ILDR2: variants seen among roughly 807,000 people sequenced by gnomAD.
The protein encoded by ILDR2 is immunoglobulin like domain containing receptor 2.
A neutral mutation model predicts 66.8 loss-of-function variants in ILDR2; 25 were observed. That is an observed-to-expected ratio of 0.37 (90% confidence interval 0.27 to 0.52). The LOEUF is 0.52. Ranked by LOEUF, ILDR2 falls within the 20% of genes least tolerant of loss-of-function variation. The pLI is 0.88. For missense variants in ILDR2, 827 were observed against 876.8 expected (o/e 0.94, Z 0.72); for synonymous variants, 367 against 357.2 (o/e 1.03, Z -0.31).
intron 3 of ILDR2, among the ~76,000 whole-genome samples, chr1:166,952,196 T>C (rs558667222): frequency 7.0e-4 from 106 of 152,300 alleles, no homozygotes; most frequent in African/African-American, 2.5e-3. Flanking sequence ...ACTTTATTCC[T>C]GTCCAAACAG....
chr1:166,920,678 CGGA>C (rs1042053058), intron 9 of ILDR2, 26 bp downstream of exon 9: 1 of 1,359,072 alleles, frequency 7.4e-7, no homozygotes, highest in African/African-American at 1.5e-5. Context: ...TCAGTCCCCT[CGGA>C]GGAGGGGAGG....
chr1:166,931,836 A>G (rs112018803), intron 6 of ILDR2, among the ~76,000 whole-genome samples: 1 of 152,330 alleles, frequency 6.6e-6, no homozygotes, highest in Non-Finnish European at 1.5e-5. Flanking sequence ...CACTGAGATA[A>G]GATATGTAGA....
chr1:166,934,905 T>C (rs1461018695), intron 6 of ILDR2, among the ~76,000 whole-genome samples: 1 of 152,210 alleles, frequency 6.6e-6, no homozygotes, highest in Non-Finnish European at 1.5e-5. Context: ...CTAATAAAGG[T>C]CCGTTCTCTC....
intron 6 of ILDR2, among the ~76,000 whole-genome samples, chr1:166,934,994 G>A (rs1027904246): frequency 6.6e-6 from 1 of 152,160 alleles, no homozygotes; most frequent in Non-Finnish European, 1.5e-5. Flanking sequence ...GTGGACTCCT[G>A]TAGGTAGGGA....
Position 166,936,571 on chromosome 1 carries a change from C to G in ILDR2, c.703+20G>C, listed in dbSNP as rs1283736115. The G allele has an allele frequency of 1.2e-6, 2 of 1,614,056 alleles. No individual in the cohort carries two copies. Among genetic ancestry groups the G allele is most frequent in the Non-Finnish European group, 1.7e-6 (2 of 1,180,004 alleles). On this transcript the variant is annotated intron_variant, in intron 5 of 9. Coordinates refer to ENST00000271417, the MANE Select transcript of ILDR2 (RefSeq NM_199351.3). This position sits in a 1 kb window ranked among gnomAD's most constrained non-coding sequence, Gnocchi z 5.0. ...CATTTCTCTCGATCGCTCTGTCTCC[C>G]CAGCGGTCACTGTACTCACAGGCTT...
rs189313987 is a variant in ILDR2, at chr1:166,972,335, G to A, written c.46+2888C>T. On this transcript the variant is annotated intron_variant, in intron 1 of 9. Transcript: ENST00000271417. The stretch of plus-strand genomic sequence containing the variant: ...TCCAGGAGTGTGTTCCCAGAGTGTC[G>A]ACACAGCTCCAGCGTTTCTCACAGC... Among the ~76,000 whole-genome samples, 123 of 152,262 alleles carry A rather than the reference G, an allele frequency of 8.1e-4. 1 individual carries two copies. In the South Asian group the frequency reaches 0.017, roughly 21 times the overall value.
At chr1:166,973,544 C>T (rs1468853909) in intron 1 of ILDR2, among the ~76,000 whole-genome samples, 1 of 148,868 alleles carries the variant, frequency 6.7e-6, no homozygotes, top group Non-Finnish European at 1.5e-5. Flanking sequence ...TCCCTGCAAA[C>T]CCCCAGAGTA....
At position 166,973,954 on chromosome 1, in the gene ILDR2, T is replaced by C. The variant is rs573372846; in HGVS notation, c.46+1269A>G. ...CATTTCATTTGAAATGGGAAAAATA[T>C]TTAGGCAATGAAGAATCTTATTCTG... On this transcript the variant is annotated intron_variant, in intron 1 of 9. Transcript: ENST00000271417. Among the ~76,000 whole-genome samples, 7 of 152,274 alleles carry C rather than the reference T, an allele frequency of 4.6e-5. No individual in the cohort carries two copies. The South Asian group carries it at 1.5e-3, about 32-fold the overall frequency.
intron 3 of ILDR2, among the ~76,000 whole-genome samples, chr1:166,944,282 T>A (rs1311677888): frequency 6.6e-6 from 1 of 152,232 alleles, no homozygotes; most frequent in Non-Finnish European, 1.5e-5. Context: ...TTGGAATGTC[T>A]CTCATTTATT....
At chr1:166,956,954 G>T in intron 2 of ILDR2, 102 bp from the exon 3 acceptor site, 2 of 1,228,984 alleles carry the variant, frequency 1.6e-6, no homozygotes, top group Non-Finnish European at 2.2e-6. Context: ...TGGGGTATCT[G>T]CAGTATTTTC....
rs908854274 is a variant in ILDR2, at chr1:166,921,669, G to T, written c.1212-290C>A. ...TGACCCACCGTGGGGCTGCCTTCTG[G>T]TCATTATGTTGTGACCTCGGGTTGA... On this transcript the variant is annotated intron_variant, in intron 8 of 9. Coordinates refer to ENST00000271417, the MANE Select transcript of ILDR2 (RefSeq NM_199351.3). The surrounding 1 kb of genome is among the most constrained non-coding windows in gnomAD (Gnocchi z 5.3). Among the ~76,000 whole-genome samples the T allele has an allele frequency of 1.3e-5, 2 of 152,166 alleles. No individual in the cohort carries two copies. The highest frequency in any genetic ancestry group is 2.9e-5 in the Non-Finnish European group (2 of 68,016).
rs1301309405 is a variant in ILDR2, at chr1:166,909,768, T to C, written c.*9587A>G. Reference sequence around the variant, plus strand: ...ATATATATATATATATAAATATATATAAATATATATATTTATATATATATA... The same window carrying C: ...ATATATATATATATATAAATATATACAAATATATATATTTATATATATATA... On this transcript the variant is annotated 3_prime_UTR_variant, in exon 10 of 10. Coordinates refer to ENST00000271417, the MANE Select transcript of ILDR2 (RefSeq NM_199351.3). 1 of 67,640 alleles carries C rather than the reference T, an allele frequency of 1.5e-5. No individual in the cohort carries two copies. Among genetic ancestry groups the C allele is most frequent in the Non-Finnish European group, 2.6e-5 (1 of 38,974 alleles). The allele number at this position is 67,640 out of a possible 1,614,324, so 4.2% of individuals were successfully genotyped here. A position where few individuals can be genotyped will look rare whatever the true frequency, so the allele number is the denominator to read the frequency against.
intron 1 of ILDR2, among the ~76,000 whole-genome samples, chr1:166,973,915 G>A (rs1042017857): frequency 5.3e-5 from 8 of 152,162 alleles, no homozygotes; most frequent in African/African-American, 1.2e-4. Context: ...GTGGGGCAAC[G>A]GCAATGTTAG....
chr1:166,971,653 G>C (rs992851287), intron 1 of ILDR2, among the ~76,000 whole-genome samples: 1 of 152,090 alleles, frequency 6.6e-6, no homozygotes, highest in South Asian at 2.1e-4. Flanking sequence ...GTAGAGATGA[G>C]GTTTCACTGT....
At chr1:166,975,032 TCTCTCA>T (rs988690157) in intron 1 of ILDR2, among the ~76,000 whole-genome samples, 185 bp downstream of exon 1, 2 of 129,000 alleles carry the variant, frequency 1.6e-5, no homozygotes, top group African/African-American at 5.3e-5. Flanking sequence ...TCTCTCTCTC[TCTCTCA>T]CACACACACA....
chr1:166,964,144 A>AT (rs1662791385), intron 1 of ILDR2, among the ~76,000 whole-genome samples: 1 of 151,864 alleles, frequency 6.6e-6, no homozygotes, highest in Non-Finnish European at 1.5e-5. Flanking sequence ...AAAAATAAAA[A>AT]AAAAAAAAAA....
intron 2 of ILDR2, among the ~76,000 whole-genome samples, chr1:166,897,083 G>A (rs1659181677): frequency 6.6e-6 from 1 of 152,184 alleles, no homozygotes; most frequent in Non-Finnish European, 1.5e-5. Context: ...TCATGTTGGG[G>A]CTTTAGAATA....
intron 1 of ILDR2, among the ~76,000 whole-genome samples, chr1:166,960,091 A>C (rs1227024556): frequency 1.3e-5 from 2 of 152,216 alleles, no homozygotes; most frequent in South Asian, 4.1e-4. Context: ...ACATGTTTGT[A>C]CTCATATCTT....
At chr1:166,929,121 T>C (rs1010122438) in intron 6 of ILDR2, among the ~76,000 whole-genome samples, 2 of 152,220 alleles carry the variant, frequency 1.3e-5, no homozygotes, top group African/African-American at 4.8e-5. Flanking sequence ...GTGCTATTTA[T>C]TGAGGGACCT....
Sources: allele counts gnomAD v4.1 joint callset (sites outside exome capture counted in the v4.1 genomes callset), GRCh38; gene constraint gnomAD v4.1.1; non-coding constraint Gnocchi (gnomAD v3.1); transcripts MANE v1.5; gene names NCBI Gene and HGNC (gene_info 2026-07-23, HGNC 2026-07-21).